IL6R: variants seen among roughly 807,000 people sequenced by gnomAD.
IL6R encodes the protein interleukin-6 receptor subunit alpha.
In IL6R, 38 loss-of-function variants were observed where a neutral mutation model predicts 48.3. The ratio of observed to expected loss-of-function variants is 0.79; its 90% CI spans 0.61 to 1.03. IL6R has a LOEUF of 1.03. IL6R is among the 50% of genes least tolerant of loss of function. The pLI is 0.00. For synonymous variants in IL6R, 264 were observed against 256.2 expected (o/e 1.03, Z -0.29); for missense variants, 534 against 618.3 (o/e 0.86, Z 1.45).
At chr1:154,447,789 A>G (rs926846474) in intron 6 of IL6R, among the ~76,000 whole-genome samples, 2 of 151,688 alleles carry the variant, frequency 1.3e-5, no homozygotes, top group South Asian at 2.1e-4. Context: ...ATCTCGGCTC[A>G]CTGCAACCTC....
chr1:154,416,308 A>ATTTT (rs1211685761), intron 1 of IL6R, among the ~76,000 whole-genome samples: 1 of 138,658 alleles, frequency 7.2e-6, no homozygotes, highest in Non-Finnish European at 1.6e-5. Flanking sequence ...TTAAAAAAAA[A>ATTTT]TTTTTTTTTT....
chr1:154,415,051 C>G, intron 1 of IL6R: 1 of 1,505,620 alleles, frequency 6.6e-7, no homozygotes, highest in Non-Finnish European at 9.1e-7. Flanking sequence ...TCCAGAAGAA[C>G]TAGCTTGAGG....
chr1:154,432,772 G>C (rs2149241269), intron 3 of IL6R, among the ~76,000 whole-genome samples: 1 of 152,306 alleles, frequency 6.6e-6, no homozygotes, highest in South Asian at 2.1e-4. Flanking sequence ...CATGACCACT[G>C]GGCGCCTTTG....
rs151317914 is a variant in IL6R, at chr1:154,435,979, T to A, written c.818T>A (p.Leu273His). 67 of 1,605,916 alleles carry A rather than the reference T, an allele frequency of 4.2e-5. No individual in the cohort carries two copies. The highest frequency in any genetic ancestry group is 5.5e-5 in the Non-Finnish European group (65 of 1,174,040). Reference protein sequence around the residue: ...KTFTTWMVKDLQHHCVIHDAW... With the variant: ...KTFTTWMVKDHQHHCVIHDAW... ...TGCCCCCGCCCTCAGGTCAAGGACC[T>A]CCAGCATCACTGTGTCATCCACGAC... The change falls in exon 6 of 10, where the codon CTC becomes CAC. Residue 273 changes from leucine (L) to histidine (H), a missense_variant. Leu to His is a moderately conservative substitution (Grantham distance 99, BLOSUM62 -3). Coordinates refer to ENST00000368485, the MANE Select transcript of IL6R (RefSeq NM_000565.4).
At chr1:154,454,444 A>C in intron 8 of IL6R, 44 bp from the exon 9 acceptor site, 4 of 1,257,492 alleles carry the variant, frequency 3.2e-6, no homozygotes, top group Non-Finnish European at 4.6e-6. Context: ...TTTTCTCCAT[A>C]TTCTCCTCTT....
At chr1:154,440,261 A>G (rs1354787836) in intron 6 of IL6R, among the ~76,000 whole-genome samples, 1 of 152,194 alleles carries the variant, frequency 6.6e-6, no homozygotes, top group Non-Finnish European at 1.5e-5. Context: ...GCTGAATAAT[A>G]TTCCATTGTG....
At chr1:154,418,459 G>A (rs1332017774) in intron 1 of IL6R, 5 of 964,870 alleles carry the variant, frequency 5.2e-6, no homozygotes, top group Non-Finnish European at 4.9e-6. Flanking sequence ...ACAAATACAA[G>A]CAGGTACAAG....
At position 154,407,994 on chromosome 1, in the gene IL6R, C is replaced by T. The variant is rs370893332; in HGVS notation, c.85+2280C>T. On this transcript the variant is annotated intron_variant, in intron 1 of 9. Coordinates refer to ENST00000368485, the MANE Select transcript of IL6R (RefSeq NM_000565.4). ...TCCTTCTAGGGCACCTCTTCCTGCC[C>T]CCATTACCCACACACGTGCCTAGCC... Among the ~76,000 whole-genome samples the T allele has an allele frequency of 2.6e-5, 4 of 152,146 alleles. No homozygotes were observed. The East Asian group carries it at 7.7e-4, about 29-fold the overall frequency.
chr1:154,428,332 C>A (rs998680988), intron 1 of IL6R, among the ~76,000 whole-genome samples: 1 of 151,956 alleles, frequency 6.6e-6, no homozygotes, highest in Non-Finnish European at 1.5e-5. Flanking sequence ...ATGTAGGGTA[C>A]TGGAGGGAGC....
chr1:154,440,247 T>A (rs1689858093), intron 6 of IL6R, among the ~76,000 whole-genome samples: 2 of 152,216 alleles, frequency 1.3e-5, no homozygotes, highest in African/African-American at 4.8e-5. Flanking sequence ...CCTCCCTTTT[T>A]AAGGCTGAAT....
chr1:154,455,455 C>CTTTTTTTTTTTTTT (rs201098458), intron 9 of IL6R, among the ~76,000 whole-genome samples: 2 of 128,432 alleles, frequency 1.6e-5, no homozygotes, highest in Non-Finnish European at 3.3e-5. Flanking sequence ...CTTTTCTTTT[C>CTTTTTTTTTTTTTT]TTTTTTTTTT....
chr1:154,456,957 G>A (rs746998133), intron 9 of IL6R, among the ~76,000 whole-genome samples: 1 of 152,176 alleles, frequency 6.6e-6, no homozygotes, highest in Non-Finnish European at 1.5e-5. Flanking sequence ...AAGAAACACA[G>A]TAGGTGTTGG....
At chr1:154,416,977 G>A (rs757560770) in intron 1 of IL6R, among the ~76,000 whole-genome samples, 3 of 152,140 alleles carry the variant, frequency 2.0e-5, no homozygotes, top group Middle Eastern at 3.4e-3. Flanking sequence ...ACACCTCCAC[G>A]TGACTTCTTA....
intron 1 of IL6R, among the ~76,000 whole-genome samples, chr1:154,416,920 A>G (rs1213328354): frequency 2.0e-5 from 3 of 152,050 alleles, no homozygotes; most frequent in African/African-American, 7.2e-5. Flanking sequence ...AAATCCCCCT[A>G]TGCACACCCC....
At chr1:154,444,896 C>T (rs1254783359) in intron 6 of IL6R, among the ~76,000 whole-genome samples, 1 of 152,170 alleles carries the variant, frequency 6.6e-6, no homozygotes, top group African/African-American at 2.4e-5. Flanking sequence ...GAGGGAGACC[C>T]TGTCTTAACA....
In IL6R at chr1:154,465,152, G is replaced by A. The variant is rs1691487481; in HGVS notation, c.1179G>A (p.Lys393=). The change falls in exon 10 of 10, where the codon AAG becomes AAA. Residue 393 remains lysine, a synonymous_variant. Transcript: ENST00000368485. ...AIVLRFKKTW[K]LRALKEGKTS... is the part of the protein sequence containing the mutation. Reference sequence around the variant, plus strand: ...TGTGAAGGTTCAAGAAGACGTGGAAGCTGCGGGCTCTGAAGGAAGGCAAGA... The same window carrying A: ...TGTGAAGGTTCAAGAAGACGTGGAAACTGCGGGCTCTGAAGGAAGGCAAGA... The A allele has an allele frequency of 3.1e-6, 5 of 1,614,168 alleles. No homozygotes were observed. The East Asian group carries it at 1.1e-4, about 36-fold the overall frequency.
intron 6 of IL6R, among the ~76,000 whole-genome samples, chr1:154,440,639 C>T (rs1194732825): frequency 6.6e-6 from 1 of 150,744 alleles, no homozygotes; most frequent in Non-Finnish European, 1.5e-5. Context: ...ATTTGCATTT[C>T]CCTAATGATT....
In IL6R at chr1:154,429,328, G is replaced by C. The variant is rs770930455; in HGVS notation, c.218G>C (p.Arg73Thr). 7.4e-6 allele frequency: 12 copies of C among 1,614,124 alleles called. No individual in the cohort carries two copies. The East Asian group carries it at 2.7e-4, about 36-fold the overall frequency. ...CCGGCTGCAGGCTCCCACCCCAGCA[G>C]ATGGGCTGGCATGGGAAGGAGGCTG... ...RKPAAGSHPS[R>T]WAGMGRRLLL... Residue 73 changes from arginine (R) to threonine (T), a missense_variant, in exon 2 of 10, where the codon AGA becomes ACA. Coordinates refer to ENST00000368485, the MANE Select transcript of IL6R (RefSeq NM_000565.4).
In IL6R at chr1:154,434,729, A is replaced by C. The variant is rs376460698; in HGVS notation, c.640+29A>C. The C allele has an allele frequency of 2.8e-5, 45 of 1,593,054 alleles. No individual in the cohort carries two copies. In the African/African-American group the frequency reaches 3.6e-4, roughly 13 times the overall value. ...CGTAAGCTCTAACCCCCTCTCCAGCAGTTTCCTTCTCTTTTGATTTAATAC... is the reference window on the plus strand; with the variant it reads ...CGTAAGCTCTAACCCCCTCTCCAGCCGTTTCCTTCTCTTTTGATTTAATAC... On this transcript the variant is annotated intron_variant, in intron 4 of 9. Transcript: ENST00000368485.
Sources: gnomAD v4.1 joint callset for allele counts (sites outside exome capture counted in the v4.1 genomes callset) on GRCh38, gnomAD v4.1.1 for gene constraint, MANE v1.5 for transcripts, NCBI Gene and HGNC (gene_info 2026-07-23, HGNC 2026-07-21) for gene names.